ANK3: variants seen among roughly 807,000 people sequenced by gnomAD.
ANK3 encodes ankyrin-3.
ANK3 carries 57 observed loss-of-function variants against 370.9 expected under a neutral mutation model. That is an observed-to-expected ratio of 0.15 (90% CI 0.12 to 0.19). The LOEUF (loss-of-function observed/expected upper bound fraction) is 0.19, where lower values mean the gene tolerates loss of function less well. ANK3 is among the 10% of genes least tolerant of loss of function. The pLI is 1.00. For missense variants in ANK3, 4,439 were observed against 5,302.1 expected (o/e 0.84, Z 5.06); for synonymous variants, 1,929 against 1,946.3 (o/e 0.99, Z 0.23).
At chr10:60,654,855 A>G (rs566494550) in intron 1 of ANK3, among the ~76,000 whole-genome samples, 2 of 152,262 alleles carry the variant, frequency 1.3e-5, no homozygotes, top group South Asian at 4.1e-4. Context: ...GTTTATTATT[A>G]TCCCTCTTTT....
At chr10:60,111,641 T>C (rs1306757249) in intron 26 of ANK3, 4 of 403,894 alleles carry the variant, frequency 9.9e-6, no homozygotes, top group Non-Finnish European at 2.0e-5. Flanking sequence ...AATGCTGATA[T>C]ACTACAGACA....
intron 1 of ANK3, among the ~76,000 whole-genome samples, chr10:60,641,579 T>G (rs921010775): frequency 6.6e-6 from 1 of 151,774 alleles, no homozygotes; most frequent in African/African-American, 2.4e-5. Context: ...GCTAGCCATA[T>G]GGAGAAAGCT....
At chr10:60,196,825 C>G (rs1296799382) in intron 14 of ANK3, among the ~76,000 whole-genome samples, 200 bp from the exon 15 acceptor site, 1 of 152,084 alleles carries the variant, frequency 6.6e-6, no homozygotes, top group Non-Finnish European at 1.5e-5. Context: ...AGTTCAAGAG[C>G]CTTCTTATTG....
At position 60,132,656 on chromosome 10, in the gene ANK3, G is replaced by A. The variant is rs976379951; in HGVS notation, c.2841+1615C>T. On this transcript the variant is annotated intron_variant, in intron 25 of 43. Coordinates refer to ENST00000280772, the MANE Select transcript of ANK3 (RefSeq NM_020987.5). ...TTTTTTGACAGAGTCTCGCTCTGTT[G>A]CCCAGGCTGGAGTACAGTGGTGCAA... is the stretch of plus-strand genomic sequence containing the variant. 6.7e-5 allele frequency among the ~76,000 whole-genome samples: 10 copies of A among 148,170 alleles called. No homozygotes were observed. The East Asian group carries it at 1.4e-3, about 20-fold the overall frequency.
chr10:60,086,215 G>A (rs2132021036), intron 30 of ANK3, among the ~76,000 whole-genome samples: 1 of 152,276 alleles, frequency 6.6e-6, no homozygotes, highest in African/African-American at 2.4e-5. Flanking sequence ...AGTACAGTAG[G>A]TGAGAATAAC....
At chr10:60,265,899 T>C (rs1422699197) in intron 5 of ANK3, among the ~76,000 whole-genome samples, 4 of 152,178 alleles carry the variant, frequency 2.6e-5, no homozygotes, top group Non-Finnish European at 5.9e-5. Context: ...GTACTGATTA[T>C]GCACGTACAG....
chr10:60,220,095 T>C (rs2097017712), intron 8 of ANK3, among the ~76,000 whole-genome samples: 1 of 152,176 alleles, frequency 6.6e-6, no homozygotes, highest in South Asian at 2.1e-4. Context: ...TACTTCATAA[T>C]GTAAAACCTG....
rs7916669 is a variant in ANK3, at chr10:60,090,335, C to A, written c.3329-1977G>T. 6.1e-3 allele frequency among the ~76,000 whole-genome samples: 930 copies of A among 151,972 alleles called. 4 individuals carry two copies. Among genetic ancestry groups the A allele is most frequent in the African/African-American group, 0.021 (869 of 41,450 alleles). Reference sequence around the variant, plus strand: ...CCATTTCCAAAAAAAAAATTAAAATCTTACCAAAAAATTCAGGAAAATATG... The same window carrying A: ...CCATTTCCAAAAAAAAAATTAAAATATTACCAAAAAATTCAGGAAAATATG... On this transcript the variant is annotated intron_variant, in intron 28 of 43. Transcript: ENST00000280772.
chr10:60,447,456 T>A (rs949255399), intron 2 of ANK3, among the ~76,000 whole-genome samples: 8 of 152,142 alleles, frequency 5.3e-5, no homozygotes, highest in Admixed American at 2.6e-4. Flanking sequence ...GTTTGTTTGT[T>A]TTCTGGTTAA....
Position 60,108,846 on chromosome 10 carries a change from C to T in ANK3, c.3157G>A (p.Gly1053Arg). 1.2e-6 allele frequency: 2 copies of T among 1,614,042 alleles called. No individual in the cohort carries two copies. Among genetic ancestry groups the T allele is most frequent in the Non-Finnish European group, 1.7e-6 (2 of 1,179,916 alleles). Reference sequence around the variant, plus strand: ...ACAACTTACCCTAAAAATTGTGCCCCTGCAGGACCCATTTCTACCAGCCTA... The same window carrying T: ...ACAACTTACCCTAAAAATTGTGCCCTTGCAGGACCCATTTCTACCAGCCTA... ...ASRLVEMGPA[G>R]AQFLGPVIVE... The change falls in exon 27 of 44, where the codon GGG becomes AGG. Residue 1053 changes from glycine to arginine, a missense_variant. Transcript: ENST00000280772.
At chr10:60,524,595 T>C (rs1316074035) in intron 2 of ANK3, among the ~76,000 whole-genome samples, 1 of 152,090 alleles carries the variant, frequency 6.6e-6, no homozygotes, top group African/African-American at 2.4e-5. Flanking sequence ...CCACCATGAT[T>C]GTCAGGCCTC....
At chr10:60,579,928 T>C (rs1009352714) in intron 2 of ANK3, among the ~76,000 whole-genome samples, 1 of 152,136 alleles carries the variant, frequency 6.6e-6, no homozygotes, top group Non-Finnish European at 1.5e-5. Flanking sequence ...GCAGTGAAAA[T>C]GACATTCCTC....
At chr10:60,395,612 CTTTCGT>C (rs2063215811) in intron 2 of ANK3, among the ~76,000 whole-genome samples, 1 of 84,000 alleles carries the variant, frequency 1.2e-5, no homozygotes, top group Non-Finnish European at 2.2e-5. Context: ...TTCTTTCTCT[CTTTCGT>C]TCTCTCTCTC....
At chr10:60,639,938 G>T (rs2078607236) in intron 1 of ANK3, among the ~76,000 whole-genome samples, 1 of 151,788 alleles carries the variant, frequency 6.6e-6, no homozygotes, top group African/African-American at 2.4e-5. Flanking sequence ...AAAAAAATAA[G>T]ACTCACCTAT....
At chr10:60,278,156 T>C (rs557462819) in intron 4 of ANK3, among the ~76,000 whole-genome samples, 1 of 152,270 alleles carries the variant, frequency 6.6e-6, no homozygotes, top group South Asian at 2.1e-4. Context: ...AATCTGAAAA[T>C]TTTTATTAAA....
chr10:60,081,688 G>T, intron 35 of ANK3: 1 of 302,154 alleles, frequency 3.3e-6, no homozygotes, highest in African/African-American at 2.2e-5. Context: ...CTGGATAGTA[G>T]GATATAGTTG....
At chr10:60,418,272 A>G (rs890447757) in intron 2 of ANK3, among the ~76,000 whole-genome samples, 1 of 152,112 alleles carries the variant, frequency 6.6e-6, no homozygotes. Context: ...GCCTCAATAA[A>G]TATACACCAC....
intron 16 of ANK3, among the ~76,000 whole-genome samples, chr10:60,193,534 A>T (rs1337252754): frequency 6.6e-6 from 1 of 151,888 alleles, no homozygotes; most frequent in Admixed American, 6.6e-5. Flanking sequence ...ACATGCCTGT[A>T]GTCTCATCTA....
chr10:60,051,793 G>GTA (rs1426883051), intron 42 of ANK3, among the ~76,000 whole-genome samples: 2 of 150,762 alleles, frequency 1.3e-5, no homozygotes, highest in South Asian at 2.1e-4. Flanking sequence ...GCATGTGTGT[G>GTA]TGTGTGTGTG....
Sources: allele counts gnomAD v4.1 joint callset (sites outside exome capture counted in the v4.1 genomes callset), GRCh38; gene constraint gnomAD v4.1.1; transcripts MANE v1.5; gene names NCBI Gene and HGNC (gene_info 2026-07-23, HGNC 2026-07-21).